Variants in NAALADL2 observed in about 807,000 individuals in gnomAD.
NAALADL2 encodes the protein N-acetylated alpha-linked acidic dipeptidase like 2.
A neutral mutation model predicts 87.2 loss-of-function variants in NAALADL2; 76 were observed. The ratio of observed to expected loss-of-function variants is 0.87; its 90% CI spans 0.72 to 1.05. The LOEUF is 1.05. Among genes scored for constraint, NAALADL2 ranks in the 50% least tolerant of loss-of-function variants. The pLI is 0.00. For missense variants in NAALADL2, 1,089 were observed against 945.8 expected, an observed-to-expected ratio of 1.15 and a Z score of -1.99; for synonymous variants, 354 against 331.0, an observed-to-expected ratio of 1.07 and a Z score of -0.75.
At chr3:174,717,325 T>C (rs1158563046) in intron 2 of NAALADL2, among the ~76,000 whole-genome samples, 1 of 152,144 alleles carries the variant, frequency 6.6e-6, no homozygotes, top group Non-Finnish European at 1.5e-5. Flanking sequence ...AGGTTGATAT[T>C]GGTTTTGATG....
At chr3:175,262,610 A>G (rs866579011) in intron 4 of NAALADL2, among the ~76,000 whole-genome samples, 41 of 95,200 alleles carry the variant, frequency 4.3e-4, no homozygotes, top group Admixed American at 1.8e-3. Flanking sequence ...GTGTGTGTGT[A>G]TGAGCTGTAT....
chr3:175,489,112 C>A (rs1727704773), intron 9 of NAALADL2, among the ~76,000 whole-genome samples: 1 of 152,010 alleles, frequency 6.6e-6, no homozygotes, highest in African/African-American at 2.4e-5. Context: ...TTTACGCTGA[C>A]CCTAAAACTT....
At chr3:174,447,014 C>T (rs1208953234) in intron 1 of NAALADL2, among the ~76,000 whole-genome samples, 8 of 152,118 alleles carry the variant, frequency 5.3e-5, no homozygotes, top group Admixed American at 2.0e-4. Flanking sequence ...AAGGTATCTT[C>T]AAGTAAAATG....
intron 5 of NAALADL2, among the ~76,000 whole-genome samples, chr3:175,430,765 A>C (rs1440706199): frequency 6.6e-6 from 1 of 152,048 alleles, no homozygotes; most frequent in Non-Finnish European, 1.5e-5. Context: ...AAGTCTGGAC[A>C]TTGTTTATTG....
intron 9 of NAALADL2, among the ~76,000 whole-genome samples, chr3:175,529,729 C>T (rs1399623279): frequency 6.6e-6 from 1 of 152,144 alleles, no homozygotes; most frequent in Non-Finnish European, 1.5e-5. Context: ...GTAAAGTAAG[C>T]ACCTTGGTCA....
At chr3:175,394,126 C>A (rs932975592) in intron 5 of NAALADL2, among the ~76,000 whole-genome samples, 6 of 152,150 alleles carry the variant, frequency 3.9e-5, no homozygotes, top group African/African-American at 1.4e-4. Flanking sequence ...AAAAGAAAAT[C>A]CTTTGGATTT....
At chr3:175,583,338 C>T (rs1003478775) in intron 10 of NAALADL2, among the ~76,000 whole-genome samples, 2 of 152,094 alleles carry the variant, frequency 1.3e-5, no homozygotes, top group Non-Finnish European at 2.9e-5. Context: ...GTCAAACCAT[C>T]GTAAGTTGGA....
chr3:175,396,196 T>A (rs12490133), intron 5 of NAALADL2, among the ~76,000 whole-genome samples: 1 of 151,924 alleles, frequency 6.6e-6, no homozygotes, highest in Non-Finnish European at 1.5e-5. Context: ...TATGACCTTA[T>A]GCGTACAGGA....
intron 2 of NAALADL2, among the ~76,000 whole-genome samples, chr3:175,169,004 T>C (rs1441120671): frequency 2.0e-5 from 3 of 151,738 alleles, no homozygotes; most frequent in African/African-American, 4.8e-5. Context: ...TTAATGTGGA[T>C]CATCCAGATT....
chr3:174,941,405 T>A (rs1459973769), intron 1 of NAALADL2, among the ~76,000 whole-genome samples: 1 of 152,154 alleles, frequency 6.6e-6, no homozygotes, highest in Non-Finnish European at 1.5e-5. Context: ...TGTGGATTGT[T>A]TTATATCAAA....
At chr3:174,540,794 T>C (rs1722152604) in intron 1 of NAALADL2, 4 of 152,214 alleles carry the variant, frequency 2.6e-5, no homozygotes, top group African/African-American at 9.6e-5. Context: ...ATTTTCCCAA[T>C]GATACAATGT....
chr3:175,676,428 C>T (rs1246375665), intron 11 of NAALADL2: 2 of 152,204 alleles, frequency 1.3e-5, no homozygotes, highest in Non-Finnish European at 2.9e-5. Context: ...ATCCCATCCA[C>T]TTGGAGCAAC....
intron 9 of NAALADL2, among the ~76,000 whole-genome samples, chr3:175,569,381 G>T (rs886456115): frequency 7.9e-5 from 12 of 152,036 alleles, no homozygotes; most frequent in Non-Finnish European, 1.6e-4. Flanking sequence ...CAAACATAAA[G>T]GTGACCTACC....
At chr3:175,641,156 A>T (rs1189614006) in intron 11 of NAALADL2, among the ~76,000 whole-genome samples, 2 of 152,078 alleles carry the variant, frequency 1.3e-5, no homozygotes, top group Non-Finnish European at 2.9e-5. Context: ...TCTCCCTTTG[A>T]ATATGCATGT....
intron 5 of NAALADL2, among the ~76,000 whole-genome samples, chr3:175,436,607 A>G (rs1226839763): frequency 2.8e-5 from 4 of 145,414 alleles, no homozygotes; most frequent in Admixed American, 7.2e-5. Flanking sequence ...GCCAGTGATG[A>G]TGAGCATTTT....
intron 5 of NAALADL2, among the ~76,000 whole-genome samples, chr3:175,445,743 T>C (rs1720585011): frequency 6.6e-6 from 1 of 152,214 alleles, no homozygotes; most frequent in Non-Finnish European, 1.5e-5. Flanking sequence ...TTGGTCCCTT[T>C]AAGCTAATAA....
intron 2 of NAALADL2, among the ~76,000 whole-genome samples, chr3:174,719,756 A>C (rs1731532126): frequency 6.6e-6 from 1 of 152,206 alleles, no homozygotes; most frequent in Admixed American, 6.5e-5. Flanking sequence ...ATGTTAATAC[A>C]TTTTGTCAGT....
intron 2 of NAALADL2, among the ~76,000 whole-genome samples, chr3:175,225,474 T>G (rs2109390517): frequency 6.6e-6 from 1 of 152,274 alleles, no homozygotes; most frequent in Non-Finnish European, 1.5e-5. Context: ...TTTAAAACGC[T>G]TAATTTTTTA....
At chr3:175,346,913 G>A (rs563786614) in intron 5 of NAALADL2, among the ~76,000 whole-genome samples, 1 of 152,290 alleles carries the variant, frequency 6.6e-6, no homozygotes, top group East Asian at 1.9e-4. Context: ...TACAATAACA[G>A]TAATCATTTA....
Sources: allele counts gnomAD v4.1 joint callset (sites outside exome capture counted in the v4.1 genomes callset), GRCh38; gene constraint gnomAD v4.1.1; transcripts MANE v1.5; gene names NCBI Gene and HGNC (gene_info 2026-07-23, HGNC 2026-07-21).